IQGAP2: variants seen among roughly 807,000 people sequenced by gnomAD.
IQGAP2 encodes the protein ras GTPase-activating-like protein IQGAP2.
IQGAP2 carries 173 observed loss-of-function variants against 201.3 expected under a neutral mutation model. That is an observed-to-expected ratio of 0.86 (90% CI 0.76 to 0.98). The LOEUF is 0.98. Ranked by LOEUF, IQGAP2 falls within the 50% of genes least tolerant of loss-of-function variation. IQGAP2 has a pLI of 0.00. For synonymous variants in IQGAP2, 675 were observed against 673.9 expected, an observed-to-expected ratio of 1.00 and a Z score of -0.03; for missense variants, 1,687 against 1,864.8, an observed-to-expected ratio of 0.90 and a Z score of 1.76.
chr5:76,645,191 A>G (rs1248017390), intron 17 of IQGAP2, among the ~76,000 whole-genome samples: 2 of 151,552 alleles, frequency 1.3e-5, no homozygotes, highest in South Asian at 2.1e-4. Flanking sequence ...ATCCTTTTTT[A>G]TGGCTGCATA....
chr5:76,565,258 G>A (rs999241346), intron 3 of IQGAP2, among the ~76,000 whole-genome samples: 4 of 152,088 alleles, frequency 2.6e-5, no homozygotes, highest in South Asian at 2.1e-4. Flanking sequence ...CCAGCCCCTC[G>A]TGCCATCTGG....
intron 17 of IQGAP2, among the ~76,000 whole-genome samples, chr5:76,651,780 G>A (rs1046891889): frequency 2.0e-5 from 3 of 151,868 alleles, no homozygotes; most frequent in Admixed American, 2.0e-4. Flanking sequence ...CTTGGACTGA[G>A]GGGAAGTCTG....
chr5:76,470,643 T>C (rs1157278450), intron 2 of IQGAP2, among the ~76,000 whole-genome samples: 1 of 152,170 alleles, frequency 6.6e-6, no homozygotes, highest in Non-Finnish European at 1.5e-5. Context: ...ACTCCTGGGC[T>C]CAAACAATCC....
intron 13 of IQGAP2, among the ~76,000 whole-genome samples, chr5:76,621,986 C>A (rs1749727288): frequency 6.6e-6 from 1 of 152,186 alleles, no homozygotes; most frequent in South Asian, 2.1e-4. Context: ...CCTCATCCCT[C>A]TTTTCCATTT....
intron 17 of IQGAP2, among the ~76,000 whole-genome samples, chr5:76,647,855 G>A (rs866092090): frequency 4.0e-4 from 42 of 103,926 alleles, no homozygotes; most frequent in Middle Eastern, 9.9e-3. Flanking sequence ...ACACACAAAC[G>A]AAAAAAACTG....
At chr5:76,569,544 AG>A (rs1285088345) in intron 3 of IQGAP2, among the ~76,000 whole-genome samples, 1 of 152,204 alleles carries the variant, frequency 6.6e-6, no homozygotes, top group Non-Finnish European at 1.5e-5. Context: ...GCCACCATTG[AG>A]AAGGCATAAA....
At position 76,605,114 on chromosome 5, in the gene IQGAP2, C is replaced by T. The variant is rs189627013; in HGVS notation, c.1233-1065C>T. Among the ~76,000 whole-genome samples, 417 of 152,208 alleles carry T rather than the reference C, an allele frequency of 2.7e-3. 2 individuals are homozygous for T. Among genetic ancestry groups the T allele is most frequent in the East Asian group, 6.0e-3 (31 of 5,180 alleles). On this transcript the variant is annotated intron_variant, in intron 11 of 35. Coordinates refer to ENST00000274364, the MANE Select transcript of IQGAP2 (RefSeq NM_006633.5). The stretch of plus-strand genomic sequence containing the variant: ...TAAACTATCTAGTTTTATTAATTTT[C>T]GCTGGAATAGTTCATGTTAGCCTAT...
intron 17 of IQGAP2, among the ~76,000 whole-genome samples, chr5:76,646,376 A>G (rs1051399923): frequency 1.1e-4 from 17 of 152,208 alleles, no homozygotes; most frequent in African/African-American, 4.1e-4. Context: ...TTACATTTTT[A>G]TCATTTAATG....
intron 8 of IQGAP2, among the ~76,000 whole-genome samples, chr5:76,591,726 T>C (rs1746667800): frequency 6.6e-6 from 1 of 152,148 alleles, no homozygotes; most frequent in African/African-American, 2.4e-5. Flanking sequence ...TGGAATCCCT[T>C]CTCTGTTCTT....
At position 76,588,899 on chromosome 5, in the gene IQGAP2, C is replaced by A. The variant is rs772829085; in HGVS notation, c.459-7C>A. 6.4e-7 allele frequency: 1 copy of A among 1,567,620 alleles called. No homozygotes were observed. The highest frequency in any genetic ancestry group is 8.7e-7 in the Non-Finnish European group (1 of 1,149,678). On this transcript the variant is annotated splice_region_variant and splice_polypyrimidine_tract_variant and intron_variant, in intron 5 of 35. Coordinates refer to ENST00000274364, the MANE Select transcript of IQGAP2 (RefSeq NM_006633.5). Reference sequence around the variant, plus strand: ...ATTTCTGATAATTTTGTGTTTTTTTCTTTCAGTTTGTATCTGTTCAAACTA... The same window carrying A: ...ATTTCTGATAATTTTGTGTTTTTTTATTTCAGTTTGTATCTGTTCAAACTA...
In IQGAP2 at chr5:76,601,019, T is replaced by C. The variant is rs193058444; in HGVS notation, c.1232+47T>C. On this transcript the variant is annotated intron_variant, in intron 11 of 35. Transcript: ENST00000274364. ...TTCTTTCAATGCAGAAATGCATGTT[T>C]GGCAGATCTTAAAAGTGAGGAATTT... The C allele has an allele frequency of 3.8e-5, 60 of 1,581,604 alleles. 1 individual carries two copies. The East Asian group carries it at 1.3e-3, about 34-fold the overall frequency.
At position 76,623,936 on chromosome 5, in the gene IQGAP2, C is replaced by CTTTTTTT. The variant is rs368076875; in HGVS notation, c.1522-3464_1522-3458dup. Among the ~76,000 whole-genome samples the CTTTTTTT allele has an allele frequency of 4.1e-3, 417 of 100,714 alleles. 25 individuals carry two copies. The highest frequency in any genetic ancestry group is 7.2e-3 in the Middle Eastern group (1 of 138). The allele number at this position is 100,714 out of a possible 152,430, so 66.1% of individuals were successfully genotyped here. On this transcript the variant is annotated intron_variant, in intron 13 of 35. Transcript: ENST00000274364. ...CGGGTGAGGATGGCGTTTGTTCAGG[C>CTTTTTTT]TTTTTTTTTTTTTTTTGCCTTATCT...
chr5:76,442,180 G>T (rs907292141), intron 1 of IQGAP2, among the ~76,000 whole-genome samples: 4 of 152,054 alleles, frequency 2.6e-5, no homozygotes, highest in Non-Finnish European at 5.9e-5. Context: ...AAAGGGTATC[G>T]GGCTACAGTG....
At chr5:76,571,256 C>T (rs1040536455) in intron 4 of IQGAP2, among the ~76,000 whole-genome samples, 2 of 152,158 alleles carry the variant, frequency 1.3e-5, no homozygotes, top group Admixed American at 6.5e-5. Flanking sequence ...TCTACCACCT[C>T]CGCCTCCCAT....
rs1229946948 is a variant in IQGAP2 at position 76,424,196 on chromosome 5, G to A, written c.46+20605G>A. On this transcript the variant is annotated intron_variant, in intron 1 of 35. Transcript: ENST00000274364. ...GGGGCTTCAATATTGTTTTCAGTGT[G>A]TTTATTCCCCCCTGCTTTCATTGTC... 2.6e-5 allele frequency among the ~76,000 whole-genome samples: 4 copies of A among 152,248 alleles called. No individual in the cohort carries two copies. In the East Asian group the frequency reaches 7.7e-4, roughly 29 times the overall value.
At chr5:76,642,265 C>A (rs1751645434) in intron 17 of IQGAP2, among the ~76,000 whole-genome samples, 1 of 152,138 alleles carries the variant, frequency 6.6e-6, no homozygotes, top group Non-Finnish European at 1.5e-5. Flanking sequence ...TCAGGTCACA[C>A]AGCAGTGTTG....
At chr5:76,445,637 G>A (rs1404120554) in intron 1 of IQGAP2, among the ~76,000 whole-genome samples, 2 of 151,848 alleles carry the variant, frequency 1.3e-5, no homozygotes, top group African/African-American at 2.4e-5. Context: ...GCTACTTTTT[G>A]TACTTTTAGT....
In IQGAP2 at chr5:76,426,396, A is replaced by G. The variant is rs1034365317; in HGVS notation, c.46+22805A>G. Among the ~76,000 whole-genome samples the G allele has an allele frequency of 3.3e-5, 5 of 152,194 alleles. No individual in the cohort carries two copies. The East Asian group carries it at 9.7e-4, about 29-fold the overall frequency. ...CATAAGGATGGGTCTGTGCAATGAC[A>G]TTCACTTTCCTAGACAGCCTTTACA... On this transcript the variant is annotated intron_variant, in intron 1 of 35. Transcript: ENST00000274364.
chr5:76,513,624 A>G (rs889009884), intron 2 of IQGAP2, among the ~76,000 whole-genome samples: 2 of 152,202 alleles, frequency 1.3e-5, no homozygotes, highest in South Asian at 2.1e-4. Flanking sequence ...AAGGCTACAT[A>G]TGGTATGATT....
Sources: gnomAD v4.1 joint callset for allele counts (sites outside exome capture counted in the v4.1 genomes callset) on GRCh38, gnomAD v4.1.1 for gene constraint, MANE v1.5 for transcripts, NCBI Gene and HGNC (gene_info 2026-07-23, HGNC 2026-07-21) for gene names.